The following IQSEC1 variants were observed in gnomAD, a reference collection of about 807,000 sequenced individuals.
The protein encoded by IQSEC1 is IQ motif and Sec7 domain ArfGEF 1.
IQSEC1 carries 31 observed loss-of-function variants against 91.0 expected under a neutral mutation model. That is an observed-to-expected ratio of 0.34 (90% CI 0.26 to 0.46). The LOEUF (loss-of-function observed/expected upper bound fraction) is 0.46. Among genes scored for constraint, IQSEC1 ranks in the 20% least tolerant of loss-of-function variants. The pLI, the probability that IQSEC1 is intolerant of heterozygous loss-of-function variation, is 1.00. For synonymous variants in IQSEC1, 699 were observed against 662.6 expected (o/e 1.05, Z -0.84); for missense variants, 1,388 against 1,575.6 (o/e 0.88, Z 2.02).
chr3:13,066,251 C>T (rs1361373451), intron 1 of IQSEC1, among the ~76,000 whole-genome samples: 1 of 152,242 alleles, frequency 6.6e-6, no homozygotes, highest in Non-Finnish European at 1.5e-5. Flanking sequence ...CAACAGTGTT[C>T]AGCTTTAAAA....
intron 1 of IQSEC1, among the ~76,000 whole-genome samples, chr3:13,035,079 A>G (rs1400998167): frequency 6.6e-6 from 1 of 152,224 alleles, no homozygotes; most frequent in Non-Finnish European, 1.5e-5. Context: ...GAACTTGGCC[A>G]GTGAAACTCT....
At position 13,080,459 on chromosome 3, in the gene IQSEC1, C is replaced by T. The variant is rs1433910199; in HGVS notation, c.303-32937G>A. Among the ~76,000 whole-genome samples the T allele has an allele frequency of 2.0e-5, 3 of 152,206 alleles. No homozygotes were observed. The East Asian group carries it at 5.8e-4, about 29-fold the overall frequency. On this transcript the variant is annotated intron_variant, in intron 2 of 15. Transcript: ENST00000648114. The stretch of plus-strand genomic sequence containing the variant: ...GATGCAGGGTGGAGGGAGATATAAC[C>T]CCTGCCCCCTTGTGAGGTGCCAGGG...
chr3:12,930,436 G>A (rs1313598800), intron 3 of IQSEC1, among the ~76,000 whole-genome samples: 5 of 152,194 alleles, frequency 3.3e-5, no homozygotes, highest in Admixed American at 2.0e-4. Context: ...GACCTAGTGG[G>A]CAGATTCTAC....
At chr3:12,905,134 C>T (rs930261897) in intron 12 of IQSEC1, among the ~76,000 whole-genome samples, 20 of 152,266 alleles carry the variant, frequency 1.3e-4, no homozygotes, top group African/African-American at 4.8e-4. Context: ...CCACACCTGC[C>T]CTGGTTCACC....
chr3:12,901,300 C>T lies in IQSEC1; in HGVS notation c.3028G>A (p.Gly1010Ser), dbSNP rs771724385. 2.5e-5 allele frequency: 39 copies of T among 1,544,760 alleles called. No homozygotes were observed. In the East Asian group the frequency reaches 6.9e-4, roughly 27 times the overall value. ...CCCTCTGGGGGCCCCAGGTGGTGGC[C>T]AGCCACAGAGTGCTGCAAGTGAGGC... The part of the protein sequence containing the change: ...VLPHLQHSVA[G>S]HHLGPPEGLP... The change falls in exon 14 of 14, where the codon GGC (glycine) becomes AGC (serine). Residue 1010 changes from glycine to serine, a missense_variant. Gly to Ser is a moderately conservative substitution (Grantham distance 56). Transcript: ENST00000613206.
chr3:13,124,906 C>T (rs1023675538), intron 2 of IQSEC1, among the ~76,000 whole-genome samples: 4 of 152,152 alleles, frequency 2.6e-5, no homozygotes, highest in Admixed American at 6.5e-5. Context: ...CATATCCACC[C>T]GCCCTCACCA....
At chr3:13,050,120 C>A (rs1029361144) in intron 1 of IQSEC1, among the ~76,000 whole-genome samples, 1 of 149,420 alleles carries the variant, frequency 6.7e-6, no homozygotes, top group Non-Finnish European at 1.5e-5. Flanking sequence ...CCACCAGCTG[C>A]CTCGGTGCCC....
rs561392758 is a variant in IQSEC1, at chr3:13,039,238, C to T, written c.23+33754G>A. On this transcript the variant is annotated intron_variant, in intron 1 of 13. Coordinates refer to ENST00000613206, the MANE Select transcript of IQSEC1 (RefSeq NM_001134382.3). ...CCACAACCAAGGCAGAACGCAGAGG[C>T]GCCCCGTGAAGATTTCTTTCCGTTT... Among the ~76,000 whole-genome samples, 6 of 152,240 alleles carry T rather than the reference C, an allele frequency of 3.9e-5. No homozygotes were observed. The South Asian group carries it at 8.3e-4, about 21-fold the overall frequency.
At chr3:13,262,129 C>T (rs1055041352) in intron 1 of IQSEC1, among the ~76,000 whole-genome samples, 1 of 152,108 alleles carries the variant, frequency 6.6e-6, no homozygotes, top group African/African-American at 2.4e-5. Context: ...AGTCATGAGC[C>T]GCTGGACCTG....
rs567586766 is a variant in IQSEC1 at position 13,103,482 on chromosome 3, C to T, written c.303-55960G>A. Among the ~76,000 whole-genome samples the T allele has an allele frequency of 2.2e-4, 33 of 151,974 alleles. No homozygotes were observed. The highest frequency in any genetic ancestry group is 4.3e-4 in the Non-Finnish European group (29 of 67,992). On this transcript the variant is annotated intron_variant, in intron 2 of 15. Coordinates refer to the IQSEC1 transcript ENST00000648114. This position sits in a 1 kb window ranked among gnomAD's most constrained non-coding sequence, Gnocchi z 4.1. ...CATCCTCAGTCACTGGAAGAGCTGG[C>T]CGTGCTGCCTGGATGCCATCCACAC... is the stretch of plus-strand genomic sequence containing the variant.
intron 1 of IQSEC1, among the ~76,000 whole-genome samples, chr3:13,035,624 A>C (rs530708783): frequency 1.3e-5 from 2 of 152,318 alleles, no homozygotes; most frequent in African/African-American, 4.8e-5. Context: ...AGAGCGGAGA[A>C]GTGATTTGCT....
chr3:13,000,948 CTTT>C (rs10553726), intron 1 of IQSEC1, among the ~76,000 whole-genome samples: 73,375 of 121,470 alleles, frequency 0.6, 21,623 homozygotes, highest in East Asian at 0.8. Context: ...CCAAGTGAGT[CTTT>C]TTTTTTTTTT....
At chr3:13,185,279 T>C (rs9841175) in intron 1 of IQSEC1, among the ~76,000 whole-genome samples, 5,009 of 152,256 alleles carry the variant, frequency 0.033, 273 homozygotes, top group African/African-American at 0.11. Context: ...CAGCACCCAC[T>C]ATTCCGTCAG....
rs1706105924 is a variant in IQSEC1, at chr3:13,103,993, G to A, written c.303-56471C>T. Reference sequence around the variant, plus strand: ...TCATTTTATAGATGGGAAAACTCAGGCACAGAGAGTTTCAATGACTTGCCC... The same window carrying A: ...TCATTTTATAGATGGGAAAACTCAGACACAGAGAGTTTCAATGACTTGCCC... On this transcript the variant is annotated intron_variant, in intron 2 of 15. Coordinates refer to the IQSEC1 transcript ENST00000648114. This position sits in a 1 kb window ranked among gnomAD's most constrained non-coding sequence, Gnocchi z 4.1. Among the ~76,000 whole-genome samples the A allele has an allele frequency of 6.6e-6, 1 of 152,136 alleles. No homozygotes were observed. The highest frequency in any genetic ancestry group is 6.5e-5 in the Admixed American group (1 of 15,282).
intron 2 of IQSEC1, among the ~76,000 whole-genome samples, chr3:13,086,765 C>G (rs1705742718): frequency 6.6e-6 from 1 of 152,200 alleles, no homozygotes; most frequent in Non-Finnish European, 1.5e-5. Flanking sequence ...GCAAGGGAGG[C>G]CTTCCTGAGC....
intron 2 of IQSEC1, among the ~76,000 whole-genome samples, chr3:13,134,238 G>A (rs978099151): frequency 6.6e-6 from 1 of 152,218 alleles, no homozygotes; most frequent in Admixed American, 6.5e-5. Flanking sequence ...AGATATGCAG[G>A]GGCTGCAGGG....
intron 2 of IQSEC1, among the ~76,000 whole-genome samples, chr3:13,111,295 G>C (rs767812200): frequency 6.6e-6 from 1 of 152,214 alleles, no homozygotes; most frequent in Non-Finnish European, 1.5e-5. Flanking sequence ...ATGCCTAAGT[G>C]AGGTGAGGCT....
chr3:12,965,556 G>T (rs1433364162), intron 1 of IQSEC1, among the ~76,000 whole-genome samples: 1 of 152,246 alleles, frequency 6.6e-6, no homozygotes, highest in Admixed American at 6.5e-5. Context: ...CTACACCTGA[G>T]CGAGGCTTCT....
chr3:13,203,188 CA>C (rs1694277035), intron 1 of IQSEC1, among the ~76,000 whole-genome samples: 1 of 152,024 alleles, frequency 6.6e-6, no homozygotes, highest in African/African-American at 2.4e-5. Flanking sequence ...CACACACACA[CA>C]CACACTCTTA....
Sources: gnomAD v4.1 joint callset for allele counts (sites outside exome capture counted in the v4.1 genomes callset) on GRCh38, gnomAD v4.1.1 for gene constraint, Gnocchi (gnomAD v3.1) non-coding constraint, MANE v1.5 for transcripts, NCBI Gene and HGNC (gene_info 2026-07-23, HGNC 2026-07-21) for gene names.